The following CSMD3 variants were observed in gnomAD, a reference collection of about 807,000 sequenced individuals.
CSMD3 encodes CUB and Sushi multiple domains 3.
CSMD3 carries 177 observed loss-of-function variants against 435.2 expected under a neutral mutation model. That is an observed-to-expected ratio of 0.41 (90% CI 0.36 to 0.46). CSMD3 has a LOEUF of 0.46. Among genes scored for constraint, CSMD3 ranks in the 20% least tolerant of loss-of-function variants. The pLI, the probability that CSMD3 is intolerant of heterozygous loss-of-function variation, is 0.34. For missense variants in CSMD3, 4,265 were observed against 4,504.6 expected (o/e 0.95, Z 1.52); for synonymous variants, 1,656 against 1,520.5 (o/e 1.09, Z -2.07).
chr8:112,439,967 C>T (rs1814812775), intron 32 of CSMD3, among the ~76,000 whole-genome samples: 1 of 152,102 alleles, frequency 6.6e-6, no homozygotes, highest in Admixed American at 6.5e-5. Flanking sequence ...ACCCTGGCCC[C>T]TCCCAAATCT....
intron 48 of CSMD3, 25 bp from the exon 49 acceptor site, chr8:112,314,077 T>C (rs370639444): frequency 2.0e-6 from 3 of 1,535,394 alleles, no homozygotes; most frequent in Admixed American, 3.3e-5. Flanking sequence ...TAAAACAATT[T>C]AGATAAAGCT....
At chr8:112,318,795 C>A (rs757113476) in intron 47 of CSMD3, 42 bp downstream of exon 47, 1 of 1,327,956 alleles carries the variant, frequency 7.5e-7, no homozygotes. Flanking sequence ...AAACATAAAG[C>A]AAATATTTAA....
intron 3 of CSMD3, among the ~76,000 whole-genome samples, chr8:113,238,523 A>G (rs564002514): frequency 1.3e-5 from 2 of 152,218 alleles, no homozygotes; most frequent in African/African-American, 4.8e-5. Flanking sequence ...GAGAGTTGCA[A>G]AGCCTCTGTG....
chr8:112,445,600 T>A (rs1287090147), intron 32 of CSMD3, among the ~76,000 whole-genome samples: 1 of 152,180 alleles, frequency 6.6e-6, no homozygotes, highest in Non-Finnish European at 1.5e-5. Context: ...AAGCCATTTA[T>A]AAGGGATCTG....
At chr8:112,462,249 A>G (rs577305588) in intron 32 of CSMD3, among the ~76,000 whole-genome samples, 50 of 152,352 alleles carry the variant, frequency 3.3e-4, no homozygotes, top group Non-Finnish European at 6.2e-4. Context: ...GGTATGAAAT[A>G]GCCTAACAGG....
intron 11 of CSMD3, among the ~76,000 whole-genome samples, chr8:112,835,706 C>A (rs1171579406): frequency 6.6e-6 from 1 of 151,848 alleles, no homozygotes; most frequent in Non-Finnish European, 1.5e-5. Flanking sequence ...GCAACAGAAA[C>A]ACAGTTTCAG....
chr8:112,610,175 G>T (rs1327343501), intron 22 of CSMD3, among the ~76,000 whole-genome samples: 2 of 151,782 alleles, frequency 1.3e-5, no homozygotes, highest in Non-Finnish European at 2.9e-5. Context: ...TTCTCATCAT[G>T]CACACACACA....
intron 25 of CSMD3, 96 bp from the exon 26 acceptor site, chr8:112,552,816 T>A: frequency 9.2e-7 from 1 of 1,086,266 alleles, no homozygotes; most frequent in Non-Finnish European, 1.4e-6. Context: ...GAATACTGAT[T>A]TTCTTGTTTC....
At position 112,906,942 on chromosome 8, in the gene CSMD3, C is replaced by T. The variant is rs1278444696; in HGVS notation, c.1633+14685G>A. Reference sequence around the variant, plus strand: ...TCTAGGGTACGCTGCTGAATTATAACGAAGTATGTCAATGTGTATCATAAT... The same window carrying T: ...TCTAGGGTACGCTGCTGAATTATAATGAAGTATGTCAATGTGTATCATAAT... On this transcript the variant is annotated intron_variant, in intron 10 of 70. Coordinates refer to ENST00000297405, the MANE Select transcript of CSMD3 (RefSeq NM_198123.2). Among the ~76,000 whole-genome samples, 8 of 151,358 alleles carry T rather than the reference C, an allele frequency of 5.3e-5. No individual in the cohort carries two copies. The East Asian group carries it at 5.9e-4, about 11-fold the overall frequency.
rs1189560572 is a variant in CSMD3 at position 112,428,098 on chromosome 8, C to A, written c.5396-19066G>T. On this transcript the variant is annotated intron_variant, in intron 32 of 70. Coordinates refer to ENST00000297405, the MANE Select transcript of CSMD3 (RefSeq NM_198123.2). ...CTAAAGTCTATCTAGAATCCTGGCA[C>A]CATCACTGCAACTACTATTTAGAAA... 2.0e-5 allele frequency among the ~76,000 whole-genome samples: 3 copies of A among 152,106 alleles called. No homozygotes were observed. The East Asian group carries it at 5.8e-4, about 29-fold the overall frequency.
At chr8:112,698,818 T>C (rs577571835) in intron 13 of CSMD3, among the ~76,000 whole-genome samples, 58 of 152,230 alleles carry the variant, frequency 3.8e-4, no homozygotes, top group African/African-American at 1.3e-3. Context: ...CTGGGTCAGG[T>C]GGGGACTTGG....
intron 4 of CSMD3, among the ~76,000 whole-genome samples, chr8:113,154,135 A>G (rs1422665581): frequency 2.6e-5 from 4 of 152,046 alleles, no homozygotes; most frequent in Non-Finnish European, 5.9e-5. Context: ...TACAGAACAA[A>G]TTTTATGTAC....
intron 1 of CSMD3, among the ~76,000 whole-genome samples, chr8:113,362,803 A>C (rs1382852489): frequency 1.3e-5 from 2 of 152,294 alleles, no homozygotes; most frequent in Admixed American, 1.3e-4. Flanking sequence ...CTGGATTTTC[A>C]TAAGAACTTC....
chr8:112,381,421 C>G (rs1829451941), intron 37 of CSMD3, among the ~76,000 whole-genome samples: 1 of 152,166 alleles, frequency 6.6e-6, no homozygotes, highest in African/African-American at 2.4e-5. Flanking sequence ...AGTTTAAGAT[C>G]TTTGACTCCA....
intron 2 of CSMD3, among the ~76,000 whole-genome samples, chr8:113,289,074 A>G (rs1431273959): frequency 1.3e-5 from 2 of 151,730 alleles, no homozygotes; most frequent in African/African-American, 4.8e-5. Context: ...GTTGTGTGAC[A>G]TTGGGCAGGT....
At chr8:112,662,737 A>G (rs1253851518) in intron 17 of CSMD3, among the ~76,000 whole-genome samples, 1 of 152,164 alleles carries the variant, frequency 6.6e-6, no homozygotes, top group Non-Finnish European at 1.5e-5. Context: ...TGAACAGGCA[A>G]CCTACAGAAT....
chr8:112,659,451 C>A (rs1246758239), intron 17 of CSMD3, among the ~76,000 whole-genome samples: 1 of 152,060 alleles, frequency 6.6e-6, no homozygotes, highest in Admixed American at 6.6e-5. Flanking sequence ...TTTTTGTTGT[C>A]TTTAAAAAAC....
chr8:112,760,851 T>C (rs566901381), intron 13 of CSMD3, among the ~76,000 whole-genome samples: 2 of 152,268 alleles, frequency 1.3e-5, no homozygotes, highest in East Asian at 3.9e-4. Flanking sequence ...TTCAAATGCA[T>C]TCTGCTTTGA....
chr8:112,875,512 T>G (rs1424518329), intron 10 of CSMD3, among the ~76,000 whole-genome samples: 1 of 152,160 alleles, frequency 6.6e-6, no homozygotes, highest in Admixed American at 6.5e-5. Flanking sequence ...CTGAAGAGTG[T>G]TTTCCAACTT....
Sources: gnomAD v4.1 joint callset for allele counts (sites outside exome capture counted in the v4.1 genomes callset) on GRCh38, gnomAD v4.1.1 for gene constraint, MANE v1.5 for transcripts, NCBI Gene and HGNC (gene_info 2026-07-23, HGNC 2026-07-21) for gene names.